Variants in GPR143 observed in about 807,000 individuals in gnomAD.
The protein encoded by GPR143 is G-protein coupled receptor 143.
Under a neutral mutation model 27.6 loss-of-function variants are expected in GPR143, and 8 were observed. The observed-to-expected ratio is 0.29, with a 90% CI of 0.17 to 0.52. The LOEUF (loss-of-function observed/expected upper bound fraction) is 0.52, where lower values mean the gene tolerates loss of function less well. Ranked by LOEUF, GPR143 falls within the 20% of genes least tolerant of loss-of-function variation. GPR143 has a pLI of 0.96. For missense variants in GPR143, 303 were observed against 343.1 expected, an observed-to-expected ratio of 0.88 and a Z score of 0.92; for synonymous variants, 156 against 153.2, an observed-to-expected ratio of 1.02 and a Z score of -0.13.
Position 9,728,413 on chromosome X carries a change from ATTAGAG to A in GPR143, c.1121-2579_1121-2574del, listed in dbSNP as rs199538933. ...ATGTTAAGGAACAAAAAAAAAAAAAATTAGAGTTATATAGAAAAGAGGAAGTGAGAA... is the reference window on the plus strand; with the variant it reads ...ATGTTAAGGAACAAAAAAAAAAAAAATTATATAGAAAAGAGGAAGTGAGAA... On this transcript the variant is annotated intron_variant, in intron 8 of 8. Transcript: ENST00000467482. Among the ~76,000 whole-genome samples, 7 of 106,598 alleles carry A rather than the reference ATTAGAG, an allele frequency of 6.6e-5. No homozygotes were observed. The East Asian group carries it at 1.7e-3, about 26-fold the overall frequency. The allele number at this position is 106,598 out of a possible 115,157, so 92.6% of individuals were successfully genotyped here.
chrX:9,735,559 A>T (rs1027428617), intron 8 of GPR143, among the ~76,000 whole-genome samples: 11 of 96,534 alleles, frequency 1.1e-4, no homozygotes, highest in Admixed American at 2.1e-4. Flanking sequence ...TCACAGGTTT[A>T]AAAAAAAAAA....
chrX:9,765,956 A>T, upstream of GPR143: 2 of 601,945 alleles, frequency 3.3e-6, no homozygotes, highest in Non-Finnish European at 4.5e-6. Context: ...CAGTAGAGCC[A>T]GGCTCGGTGG....
chrX:9,769,828 C>A (rs1023398678), upstream of GPR143, among the ~76,000 whole-genome samples: 1 of 111,062 alleles, frequency 9.0e-6, no homozygotes, highest in Non-Finnish European at 1.9e-5. Flanking sequence ...GTGATCCGCC[C>A]GCCTCAGCCT....
chrX:9,752,950 C>T (rs1345254799), intron 3 of GPR143, among the ~76,000 whole-genome samples: 1 of 111,042 alleles, frequency 9.0e-6, no homozygotes, highest in African/African-American at 3.3e-5. Flanking sequence ...GAGGGAGCGC[C>T]GTGTGTTGAG....
At chrX:9,735,458 A>C (rs752578193) in intron 8 of GPR143, among the ~76,000 whole-genome samples, 1 of 111,093 alleles carries the variant, frequency 9.0e-6, no homozygotes, top group South Asian at 3.9e-4. Flanking sequence ...TCTATCATCT[A>C]AGACCCAGCC....
chrX:9,733,966 G>C (rs2083367200), intron 8 of GPR143, among the ~76,000 whole-genome samples: 1 of 108,469 alleles, frequency 9.2e-6, no homozygotes, highest in East Asian at 2.9e-4. Context: ...TATAATCCCA[G>C]CTACTCAGGA....
At chrX:9,736,685 ATAT>A (rs2083380910) in intron 8 of GPR143, among the ~76,000 whole-genome samples, 1 of 111,566 alleles carries the variant, frequency 9.0e-6, no homozygotes, top group African/African-American at 3.3e-5. Flanking sequence ...TTACCTAATA[ATAT>A]GTCACTTGGA....
chrX:9,740,010 G>A (rs1327341932), intron 7 of GPR143, among the ~76,000 whole-genome samples: 1 of 109,718 alleles, frequency 9.1e-6, no homozygotes, highest in African/African-American at 3.3e-5. Flanking sequence ...AAAGGGGACA[G>A]AGGACAAGAG....
At chrX:9,735,600 A>C (rs1462467276) in intron 8 of GPR143, among the ~76,000 whole-genome samples, 1 of 111,585 alleles carries the variant, frequency 9.0e-6, no homozygotes, top group Non-Finnish European at 1.9e-5. Flanking sequence ...TGGGAGTTTC[A>C]CAAATTATAC....
upstream of GPR143, chrX:9,765,988 C>T (rs189481921): frequency 0.011 from 4,005 of 378,816 alleles, 25 homozygotes; most frequent in Non-Finnish European, 0.014. Flanking sequence ...ACTGGGCTAA[C>T]GCCACGAGGC....
Position 9,765,348 on chromosome X carries a change from G to A in GPR143, c.250+220C>T, listed in dbSNP as rs111851672. Among the ~76,000 whole-genome samples the A allele has an allele frequency of 0.29, 31,377 of 108,104 alleles. 3,856 individuals are homozygous for A. Among genetic ancestry groups the A allele is most frequent in the Non-Finnish European group, 0.38 (19,779 of 51,964 alleles). The allele number at this position is 108,104 out of a possible 115,157, so 93.9% of individuals were successfully genotyped here. On this transcript the variant is annotated intron_variant, in intron 1 of 8. Transcript: ENST00000467482. Reference sequence around the variant, plus strand: ...ACCCGCGGGCCTCAAGCCCTCAGCCGGGGACCGAGCAGGTCCCAACCAGCC... The same window carrying A: ...ACCCGCGGGCCTCAAGCCCTCAGCCAGGGACCGAGCAGGTCCCAACCAGCC...
At chrX:9,761,498 G>T (rs1486086143) in intron 1 of GPR143, among the ~76,000 whole-genome samples, 1 of 112,585 alleles carries the variant, frequency 8.9e-6, no homozygotes, top group Non-Finnish European at 1.9e-5. Flanking sequence ...TGGTTTACTT[G>T]CAATATGTGA....
chrX:9,745,503 G>A (rs756442521), intron 5 of GPR143, among the ~76,000 whole-genome samples: 9 of 111,984 alleles, frequency 8.0e-5, no homozygotes, highest in South Asian at 7.5e-4. Context: ...GTAGGGGCTG[G>A]ACTGCAGGTC....
At position 9,725,980 on chromosome X, in the gene GPR143, CAAAAAAAAAAAAA is replaced by C. The variant is rs35066814; in HGVS notation, c.1121-153_1121-141del. 14 of 355,008 alleles carry C rather than the reference CAAAAAAAAAAAAA, an allele frequency of 3.9e-5. No homozygotes were observed. In the East Asian group the frequency reaches 2.8e-3, roughly 71 times the overall value. 29.3% of individuals were successfully genotyped at this position (355,008 alleles called of 1,213,427 possible). A position where few individuals can be genotyped will look rare whatever the true frequency, so the allele number is the denominator to read the frequency against. On this transcript the variant is annotated intron_variant, in intron 8 of 8. Coordinates refer to ENST00000467482, the MANE Select transcript of GPR143 (RefSeq NM_000273.3). ...AAAGTCCTAGCATTCATCTCATCTG[CAAAAAAAAAAAAA>C]AAAAAAAAAAAAGGTGGGAGGGGTG...
intron 1 of GPR143, among the ~76,000 whole-genome samples, chrX:9,774,895 G>T (rs185513920): frequency 1.8e-5 from 2 of 110,570 alleles, no homozygotes; most frequent in African/African-American, 3.3e-5. Context: ...ACAAGGTCTC[G>T]CTCTGTTGCC....
intron 8 of GPR143, among the ~76,000 whole-genome samples, chrX:9,737,286 G>A (rs1374416767): frequency 9.0e-6 from 1 of 111,545 alleles, no homozygotes. Context: ...TCATTCCACT[G>A]CACTTCAGCC....
upstream of GPR143, among the ~76,000 whole-genome samples, chrX:9,766,901 TCTCA>T (rs755109681): frequency 1.4e-3 from 91 of 65,144 alleles, no homozygotes; most frequent in Non-Finnish European, 1.6e-3. Context: ...TATCTCTCTC[TCTCA>T]CACACACACA....
At chrX:9,769,903 T>C (rs143829792), upstream of GPR143, among the ~76,000 whole-genome samples, 501 of 111,252 alleles carry the variant, frequency 4.5e-3, 4 homozygotes, top group African/African-American at 0.016. Flanking sequence ...ATTTAAATAA[T>C]AAAATAATTT....
intron 3 of GPR143, among the ~76,000 whole-genome samples, chrX:9,749,151 C>T (rs938763774): frequency 1.8e-5 from 2 of 111,327 alleles, no homozygotes; most frequent in African/African-American, 3.3e-5. Context: ...ATCATGGGGG[C>T]GGTTTCCCCC....
Sources: gnomAD v4.1 joint callset for allele counts (sites outside exome capture counted in the v4.1 genomes callset) on GRCh38, gnomAD v4.1.1 for gene constraint, MANE v1.5 for transcripts, NCBI Gene and HGNC (gene_info 2026-07-23, HGNC 2026-07-21) for gene names.